The following HERC1 variants were observed in gnomAD, a reference collection of about 807,000 sequenced individuals.
The protein encoded by HERC1 is HECT and RLD domain containing E3 ubiquitin protein ligase family member 1, also known as probable E3 ubiquitin-protein ligase HERC1.
HERC1 carries 160 observed loss-of-function variants against 554.3 expected under a neutral mutation model. That is an observed-to-expected ratio of 0.29 (90% CI 0.25 to 0.33). The LOEUF (loss-of-function observed/expected upper bound fraction) is 0.33. Ranked by LOEUF, HERC1 falls within the 10% of genes least tolerant of loss-of-function variation. The pLI is 1.00. For synonymous variants in HERC1, 2,175 were observed against 2,131.7 expected (o/e 1.02, Z -0.56); for missense variants, 4,919 against 5,918.5 (o/e 0.83, Z 5.54).
intron 74 of HERC1, among the ~76,000 whole-genome samples, chr15:63,617,625 A>G (rs1425670427): frequency 6.6e-6 from 1 of 152,216 alleles, no homozygotes; most frequent in Non-Finnish European, 1.5e-5. Flanking sequence ...AGTCCCACCA[A>G]CAGTGTAAAA....
intron 13 of HERC1, 119 bp from the exon 14 acceptor site, chr15:63,733,264 C>T: frequency 1.5e-6 from 1 of 661,370 alleles, no homozygotes; most frequent in Non-Finnish European, 2.6e-6. Context: ...TAATCATCTT[C>T]AGGAAGTACA....
intron 77 of HERC1, among the ~76,000 whole-genome samples, chr15:63,609,966 G>C (rs923943009): frequency 6.6e-6 from 1 of 152,132 alleles, no homozygotes; most frequent in African/African-American, 2.4e-5. Context: ...TTGTACAATT[G>C]AGGCAAAGAC....
intron 44 of HERC1, among the ~76,000 whole-genome samples, chr15:63,662,731 T>C (rs969494073): frequency 6.6e-6 from 1 of 152,156 alleles, no homozygotes; most frequent in Admixed American, 6.5e-5. Context: ...GAATCAAATA[T>C]TACCACAGTA....
chr15:63,828,674 G>A lies in HERC1; in HGVS notation c.-27+5153C>T, dbSNP rs764075350. On this transcript the variant is annotated intron_variant, in intron 1 of 77. Coordinates refer to ENST00000443617, the MANE Select transcript of HERC1 (RefSeq NM_003922.4). The stretch of plus-strand genomic sequence containing the variant: ...TTTTATACAGTAGTGTTTAGTAGAA[G>A]CAGTGTTTAGTAACTATAATGTTTC... Among the ~76,000 whole-genome samples the A allele has an allele frequency of 4.5e-4, 68 of 152,136 alleles. No individual in the cohort carries two copies. In the Middle Eastern group the frequency reaches 0.01, roughly 23 times the overall value.
At chr15:63,829,499 T>TATATAC (rs1336272062) in intron 1 of HERC1, among the ~76,000 whole-genome samples, 8 of 53,378 alleles carry the variant, frequency 1.5e-4, no homozygotes, top group African/African-American at 4.1e-4. Flanking sequence ...TATATATATA[T>TATATAC]ACACACACAC....
In HERC1 at chr15:63,674,758, G is replaced by C. The variant is rs749604135; in HGVS notation, c.7430C>G (p.Ser2477Cys). 3.1e-6 allele frequency: 5 copies of C among 1,613,912 alleles called. No individual in the cohort carries two copies. The Admixed American group carries it at 8.3e-5, about 27-fold the overall frequency. ...TTTCCCTTCTGTTATTTGATGTTGG[G>C]ATTCCACACTTGGCAGTGTTGGATC... The part of the protein sequence containing the change: ...SLDPTLPSVE[S>C]QHQITEGKRK... Residue 2477 changes from serine (S) to cysteine (C), a missense_variant, in exon 38 of 78, where the codon TCC becomes TGC. Ser to Cys is a moderately radical substitution (Grantham distance 112). Transcript: ENST00000443617.
At chr15:63,728,947 A>G (rs1291239475) in intron 16 of HERC1, among the ~76,000 whole-genome samples, 1 of 142,268 alleles carries the variant, frequency 7.0e-6, no homozygotes, top group African/African-American at 2.5e-5. Flanking sequence ...TTTAAAAAAA[A>G]AAAAAAAGAG....
intron 70 of HERC1, among the ~76,000 whole-genome samples, chr15:63,627,132 C>T (rs1595848904): frequency 6.6e-6 from 1 of 152,300 alleles, no homozygotes; most frequent in East Asian, 1.9e-4. Flanking sequence ...GTAGGCAGCT[C>T]TGCTCATTCT....
rs867384619 is a variant in HERC1 at position 63,814,749 on chromosome 15, G to A, written c.-27+19078C>T. Among the ~76,000 whole-genome samples, 8 of 152,312 alleles carry A rather than the reference G, an allele frequency of 5.3e-5. No homozygotes were observed. In the South Asian group the frequency reaches 6.2e-4, roughly 12 times the overall value. ...CTCCCAAAGTGCTGGGATTACAGGC[G>A]TGAGCCACCACACACGGCCAACATT... On this transcript the variant is annotated intron_variant, in intron 1 of 77. Coordinates refer to ENST00000443617, the MANE Select transcript of HERC1 (RefSeq NM_003922.4).
At chr15:63,739,088 C>T (rs1398687570) in intron 12 of HERC1, among the ~76,000 whole-genome samples, 1 of 151,696 alleles carries the variant, frequency 6.6e-6, no homozygotes, top group East Asian at 1.9e-4. Flanking sequence ...CAACCATCAC[C>T]ACTATCCAAT....
chr15:63,641,961 G>C (rs983507628), intron 59 of HERC1, among the ~76,000 whole-genome samples: 1 of 152,168 alleles, frequency 6.6e-6, no homozygotes, highest in Non-Finnish European at 1.5e-5. Context: ...CAAAAGTCAT[G>C]TCTGACATGA....
chr15:63,608,884 G>A lies in HERC1; in HGVS notation c.*197C>T, dbSNP rs929845018. On this transcript the variant is annotated 3_prime_UTR_variant, in exon 78 of 78. Transcript: ENST00000443617. ...ACCTGACTGAGAGCACTTCGTTTTT[G>A]TTGTTTTTGTACAATCACAGAAAAA... The A allele has an allele frequency of 3.2e-5, 15 of 465,328 alleles. No individual in the cohort carries two copies. The highest frequency in any genetic ancestry group is 2.4e-4 in the African/African-American group (12 of 49,618). The allele number at this position is 465,328 out of a possible 1,614,324, so 28.8% of individuals were successfully genotyped here. A position where few individuals can be genotyped will look rare whatever the true frequency, so the allele number is the denominator to read the frequency against.
rs1284585097 is a variant in HERC1, at chr15:63,655,742, C to T, written c.10084G>A (p.Gly3362Ser). Residue 3362 changes from glycine to serine, a missense_variant and splice_region_variant, in exon 50 of 78, where the codon GGC becomes AGC. Around this residue, in one of 11 missense-constraint regions of HERC1, gnomAD observed 1,963 missense variants for 2,228.6 expected, o/e 0.88. Coordinates refer to ENST00000443617, the MANE Select transcript of HERC1 (RefSeq NM_003922.4). The part of the protein sequence containing the change: ...NYDKSEVEKK[G>S]PLELANALAA... ...TATGTTTCAGTAGTATGAAACTTAC[C>T]TTTCTTTTCAACTTCTGACTTATCA... The T allele has an allele frequency of 3.2e-6, 5 of 1,547,424 alleles. No homozygotes were observed. Among genetic ancestry groups the T allele is most frequent in the Admixed American group, 2.0e-5 (1 of 51,044 alleles).
In HERC1 at chr15:63,630,863, T is replaced by C. The variant is rs139313347; in HGVS notation, c.12797-228A>G. Among the ~76,000 whole-genome samples the C allele has an allele frequency of 0.014, 2,103 of 152,340 alleles. 25 individuals are homozygous for C. The highest frequency in any genetic ancestry group is 0.023 in the East Asian group (118 of 5,188). On this transcript the variant is annotated intron_variant, in intron 68 of 77. Coordinates refer to ENST00000443617, the MANE Select transcript of HERC1 (RefSeq NM_003922.4). ...TCACAGGCTCTTTATTCATAAAAAT[T>C]TTTTAAAAAGTTGTATCTAAACTCG...
intron 74 of HERC1, among the ~76,000 whole-genome samples, chr15:63,619,102 T>C (rs1479299916): frequency 6.6e-6 from 1 of 152,244 alleles, no homozygotes; most frequent in East Asian, 1.9e-4. Context: ...TTCCAGTTTT[T>C]GCCCATTCAG....
At chr15:63,705,878 A>G (rs2072975525) in intron 25 of HERC1, among the ~76,000 whole-genome samples, 1 of 151,872 alleles carries the variant, frequency 6.6e-6, no homozygotes, top group Admixed American at 6.6e-5. Flanking sequence ...AAATAATAAA[A>G]AACTAGCTGA....
In HERC1 at chr15:63,720,268, C is replaced by T. The variant is rs145249014; in HGVS notation, c.3743-1371G>A. On this transcript the variant is annotated intron_variant, in intron 19 of 77. Transcript: ENST00000443617. ...ACAGGCATGAGCTACCACACTCGGCCTCTTCCCATTCTTTAATTCTATGTT... is the reference window on the plus strand; with the variant it reads ...ACAGGCATGAGCTACCACACTCGGCTTCTTCCCATTCTTTAATTCTATGTT... Among the ~76,000 whole-genome samples, 1,283 of 151,528 alleles carry T rather than the reference C, an allele frequency of 8.5e-3. 6 individuals are homozygous for T. Among genetic ancestry groups the T allele is most frequent in the Non-Finnish European group, 0.013 (915 of 67,810 alleles).
intron 47 of HERC1, among the ~76,000 whole-genome samples, chr15:63,659,063 G>T (rs1000476797): frequency 6.6e-6 from 1 of 151,994 alleles, no homozygotes; most frequent in African/African-American, 2.4e-5. Context: ...TACCAATACT[G>T]CCCAATTCTT....
intron 59 of HERC1, among the ~76,000 whole-genome samples, 173 bp from the exon 60 acceptor site, chr15:63,641,816 T>C (rs2069077404): frequency 6.6e-6 from 1 of 152,188 alleles, no homozygotes; most frequent in African/African-American, 2.4e-5. Flanking sequence ...ATATCCTAAA[T>C]TTTGTCTAAG....
Sources: gnomAD v4.1 joint callset for allele counts (sites outside exome capture counted in the v4.1 genomes callset) on GRCh38, gnomAD v4.1.1 for gene constraint, gnomAD v4.1.1 regional missense constraint, MANE v1.5 for transcripts, NCBI Gene and HGNC (gene_info 2026-07-23, HGNC 2026-07-21) for gene names.